Variants in WDR20 observed in about 807,000 individuals in gnomAD.
WDR20 encodes the protein WD repeat domain 20.
A neutral mutation model predicts 38.7 loss-of-function variants in WDR20; 3 were observed. That is an observed-to-expected ratio of 0.08 (90% CI 0.04 to 0.20). The LOEUF is 0.20. WDR20 is among the 10% of genes least tolerant of loss of function. The pLI is 1.00. For synonymous variants in WDR20, 298 were observed against 285.6 expected, an observed-to-expected ratio of 1.04 and a Z score of -0.44; for missense variants, 559 against 727.7, an observed-to-expected ratio of 0.77 and a Z score of 2.67.
At chr14:102,212,622 G>A (rs527489990), downstream of WDR20, 1 of 1,534,834 alleles carries the variant, frequency 6.5e-7, no homozygotes. Flanking sequence ...TGGAGAGAGG[G>A]GCAGGGAAGC....
At chr14:102,205,660 C>T (rs532637041) in intron 2 of WDR20, among the ~76,000 whole-genome samples, 19 of 152,228 alleles carry the variant, frequency 1.2e-4, no homozygotes, top group Admixed American at 9.8e-4. Flanking sequence ...TGCCTGCCTG[C>T]CACTCACCCT....
rs2065356920 is a variant in WDR20, at chr14:102,188,247, C to T, written c.250-6691C>T. Among the ~76,000 whole-genome samples the T allele has an allele frequency of 2.6e-5, 4 of 152,216 alleles. No homozygotes were observed. In the South Asian group the frequency reaches 8.3e-4, roughly 31 times the overall value. ...ACTTTACCAGGCCTATGTGATGTGA[C>T]ATGGCTGTTGCCTGTGATGCCACAG... On this transcript the variant is annotated intron_variant, in intron 1 of 2. Transcript: ENST00000342702.
At chr14:102,217,309 G>A (rs959030681), downstream of WDR20, among the ~76,000 whole-genome samples, 6 of 152,196 alleles carry the variant, frequency 3.9e-5, no homozygotes, top group South Asian at 2.1e-4. Context: ...ACTTGCACAC[G>A]TTCTCTCTGA....
At chr14:102,194,899 GTGC>G in intron 1 of WDR20, 36 bp from the exon 2 acceptor site, 1 of 1,583,868 alleles carries the variant, frequency 6.3e-7, no homozygotes, top group Non-Finnish European at 8.6e-7. Context: ...TCATCTCAAT[GTGC>G]TGTTTACTGT....
chr14:102,166,769 A>G (rs1436174122), intron 1 of WDR20, among the ~76,000 whole-genome samples: 1 of 152,196 alleles, frequency 6.6e-6, no homozygotes, highest in African/African-American at 2.4e-5. Flanking sequence ...CTTGTCACTC[A>G]TGAGACTGTC....
chr14:102,176,264 A>G (rs961016055), intron 1 of WDR20, among the ~76,000 whole-genome samples: 6 of 151,012 alleles, frequency 4.0e-5, no homozygotes, highest in Non-Finnish European at 5.9e-5. Flanking sequence ...GCGTGGTGGC[A>G]TGCACCTGTA....
At chr14:102,181,685 G>A (rs964002899) in intron 1 of WDR20, among the ~76,000 whole-genome samples, 1 of 152,018 alleles carries the variant, frequency 6.6e-6, no homozygotes, top group African/African-American at 2.4e-5. Flanking sequence ...TAACTTTTAA[G>A]CTAGTAGTTG....
At chr14:102,189,786 TAA>T (rs908836044) in intron 1 of WDR20, among the ~76,000 whole-genome samples, 1 of 152,242 alleles carries the variant, frequency 6.6e-6, no homozygotes, top group Non-Finnish European at 1.5e-5. Flanking sequence ...AAGTTCTCCT[TAA>T]AAGAGTTTTT....
chr14:102,167,206 C>T (rs1299686271), intron 1 of WDR20, among the ~76,000 whole-genome samples: 3 of 151,944 alleles, frequency 2.0e-5, no homozygotes, highest in Non-Finnish European at 4.4e-5. Flanking sequence ...GACATAGATT[C>T]TTCTTCTTAT....
At chr14:102,142,926 CTCAT>C in intron 1 of WDR20, among the ~76,000 whole-genome samples, 1 of 151,924 alleles carries the variant, frequency 6.6e-6, no homozygotes, top group East Asian at 1.9e-4. Context: ...AAGAACTTAA[CTCAT>C]TAATTACGTG....
intron 1 of WDR20, among the ~76,000 whole-genome samples, chr14:102,190,741 C>A (rs1031416888): frequency 6.6e-6 from 1 of 152,118 alleles, no homozygotes; most frequent in Non-Finnish European, 1.5e-5. Context: ...TGGCTCACGC[C>A]TGTAATCCCA....
chr14:102,139,885 A>T (rs767996622), upstream of WDR20: 1 of 1,600,446 alleles, frequency 6.2e-7, no homozygotes. Context: ...GGTGGGCGTG[A>T]TCCGGGCACT....
At chr14:102,182,863 A>C (rs563640679) in intron 1 of WDR20, among the ~76,000 whole-genome samples, 2 of 152,188 alleles carry the variant, frequency 1.3e-5, no homozygotes, top group Middle Eastern at 3.4e-3. Context: ...GCCCAAACAG[A>C]ATTAGACTTT....
intron 2 of WDR20, among the ~76,000 whole-genome samples, chr14:102,201,920 T>C (rs1251785146): frequency 6.6e-6 from 1 of 151,566 alleles, no homozygotes. Context: ...CATCTCTCAG[T>C]GTACCCCTGC....
At chr14:102,160,773 T>C (rs934527597) in intron 1 of WDR20, among the ~76,000 whole-genome samples, 11 of 150,954 alleles carry the variant, frequency 7.3e-5, no homozygotes, top group Non-Finnish European at 1.5e-4. Flanking sequence ...AAACCCCGTC[T>C]CTACTAAATA....
chr14:102,217,225 G>A (rs28626353), downstream of WDR20, among the ~76,000 whole-genome samples: 59 of 152,110 alleles, frequency 3.9e-4, no homozygotes, highest in African/African-American at 1.4e-3. Flanking sequence ...TCCCAGGAGC[G>A]GGAGGGCCTC....
Position 102,208,773 on chromosome 14 carries a change from G to T in WDR20, c.603G>T (p.Val201=). 1 of 1,614,230 alleles carries T rather than the reference G, an allele frequency of 6.2e-7. No homozygotes were observed. Among genetic ancestry groups the T allele is most frequent in the Non-Finnish European group, 8.5e-7 (1 of 1,180,050 alleles). ...QLLKQGESFA[V]HTCKSKSTRN... ...TGAAGCAGGGAGAGAGCTTTGCCGT[G>T]CACACTTGCAAGAGCAAATCCACGA... The change falls in exon 3 of 3, where the codon GTG becomes GTT. Residue 201 remains valine (V), a synonymous_variant. Coordinates refer to ENST00000342702, the MANE Select transcript of WDR20 (RefSeq NM_144574.4). This position sits in a 1 kb window ranked among gnomAD's most constrained non-coding sequence, Gnocchi z 5.6.
intron 1 of WDR20, among the ~76,000 whole-genome samples, chr14:102,168,680 G>A (rs2060237941): frequency 6.6e-6 from 1 of 152,120 alleles, no homozygotes; most frequent in Non-Finnish European, 1.5e-5. Context: ...TTAGATCATT[G>A]TAAAAAGTTG....
intron 1 of WDR20, among the ~76,000 whole-genome samples, chr14:102,156,892 A>G (rs1251712498): frequency 1.3e-5 from 2 of 152,096 alleles, no homozygotes. Context: ...TTGGGAGGCT[A>G]AGGCAGGAGA....
Sources: allele counts gnomAD v4.1 joint callset (sites outside exome capture counted in the v4.1 genomes callset), GRCh38; gene constraint gnomAD v4.1.1; non-coding constraint Gnocchi (gnomAD v3.1); transcripts MANE v1.5; gene names NCBI Gene and HGNC (gene_info 2026-07-23, HGNC 2026-07-21).